CHL1: variants seen among roughly 807,000 people sequenced by gnomAD.
CHL1 encodes cell adhesion molecule L1 like.
CHL1 carries 96 observed loss-of-function variants against 141.9 expected under a neutral mutation model. The ratio of observed to expected loss-of-function variants is 0.68; its 90% confidence interval spans 0.57 to 0.80. The LOEUF (loss-of-function observed/expected upper bound fraction) is 0.80, where lower values mean the gene tolerates loss of function less well. Ranked by LOEUF, CHL1 falls within the 30% of genes least tolerant of loss-of-function variation. CHL1 has a pLI of 0.00. For synonymous variants in CHL1, 613 were observed against 502.2 expected (o/e 1.22, Z -2.95); for missense variants, 1,820 against 1,457.2 (o/e 1.25, Z -4.05).
Position 252,361 on chromosome 3 carries a change from GATATATAT to G in CHL1, c.-95+7702_-95+7709del, listed in dbSNP as rs71058760. Among the ~76,000 whole-genome samples, 119 of 54,286 alleles carry G rather than the reference GATATATAT, an allele frequency of 2.2e-3. 2 individuals carry two copies. The highest frequency in any genetic ancestry group is 6.1e-3 in the African/African-American group (84 of 13,736). 35.6% of individuals were successfully genotyped at this position (54,286 alleles called of 152,430 possible). A position where few individuals can be genotyped will look rare whatever the true frequency, so the allele number is the denominator to read the frequency against. ...AGCCACAGATTTAAGAAAGCATCCA[GATATATAT>G]ATATATATATATATATATATATATA... On this transcript the variant is annotated intron_variant, in intron 2 of 27. Transcript: ENST00000256509.
intron 1 of CHL1, among the ~76,000 whole-genome samples, chr3:206,461 C>A (rs1276785583): frequency 6.6e-6 from 1 of 151,490 alleles, no homozygotes; most frequent in African/African-American, 2.4e-5. Flanking sequence ...GCGAGACTGT[C>A]TTAAAAAAAA....
chr3:296,093 C>T (rs1385425562), intron 2 of CHL1, among the ~76,000 whole-genome samples: 1 of 152,070 alleles, frequency 6.6e-6, no homozygotes, highest in Non-Finnish European at 1.5e-5. Flanking sequence ...TTAGTGAATG[C>T]AATGTTTAGC....
chr3:204,435 G>T (rs1699231169), intron 1 of CHL1, among the ~76,000 whole-genome samples: 1 of 152,198 alleles, frequency 6.6e-6, no homozygotes, highest in African/African-American at 2.4e-5. Context: ...GACGATGAAG[G>T]AATAGACCAG....
chr3:246,936 T>C (rs974977138), intron 2 of CHL1: 1 of 152,128 alleles, frequency 6.6e-6, no homozygotes, highest in African/African-American at 2.4e-5. Flanking sequence ...AAACATGTGC[T>C]GTGTGGTCAC....
intron 5 of CHL1, among the ~76,000 whole-genome samples, chr3:335,578 G>A (rs1336732888): frequency 3.3e-5 from 5 of 152,130 alleles, no homozygotes; most frequent in Admixed American, 6.6e-5. Context: ...TGAAATGTAC[G>A]GCCCTGGAAA....
chr3:328,073 G>A (rs753157088), intron 4 of CHL1, 94 bp from the exon 5 acceptor site: 27 of 880,698 alleles, frequency 3.1e-5, no homozygotes, highest in Admixed American at 5.0e-5. Context: ...ATCATAAAAT[G>A]TCTTGGTTTT....
chr3:364,008 T>C (rs144074219), intron 14 of CHL1: 1 of 152,298 alleles, frequency 6.6e-6, no homozygotes, highest in Non-Finnish European at 1.5e-5. Flanking sequence ...TATCCCAGCC[T>C]GCTTCTCACT....
chr3:313,465 A>C (rs1230604038), intron 2 of CHL1, among the ~76,000 whole-genome samples: 1 of 152,172 alleles, frequency 6.6e-6, no homozygotes, highest in African/African-American at 2.4e-5. Context: ...TGTTATTTGC[A>C]AAAGGGAAAA....
In CHL1 at chr3:261,615, A is replaced by T. The variant is rs138875947; in HGVS notation, c.-95+16923A>T. ...TAGAGCTGAATGATATTATTGAAAC[A>T]TTCCAGCTTTAAAAACTATATGGCT... On this transcript the variant is annotated intron_variant, in intron 2 of 27. Coordinates refer to ENST00000256509, the MANE Select transcript of CHL1 (RefSeq NM_006614.4). Among the ~76,000 whole-genome samples the T allele has an allele frequency of 7.6e-4, 115 of 152,274 alleles. 1 individual carries two copies. Among genetic ancestry groups the T allele is most frequent in the African/African-American group, 2.5e-3 (103 of 41,566 alleles).
intron 2 of CHL1, among the ~76,000 whole-genome samples, chr3:292,550 T>C (rs1697785704): frequency 6.6e-6 from 1 of 152,184 alleles, no homozygotes; most frequent in African/African-American, 2.4e-5. Flanking sequence ...TAAATCTTAT[T>C]GGGGGCAAAA....
chr3:297,230 A>C (rs1210728077), intron 2 of CHL1, among the ~76,000 whole-genome samples: 1 of 152,120 alleles, frequency 6.6e-6, no homozygotes, highest in Non-Finnish European at 1.5e-5. Context: ...CGTCTTAAGA[A>C]AATAAATAAA....
intron 2 of CHL1, among the ~76,000 whole-genome samples, chr3:277,126 T>C (rs952188115): frequency 2.0e-5 from 3 of 152,272 alleles, no homozygotes; most frequent in South Asian, 4.1e-4. Flanking sequence ...ACAATATGTG[T>C]TATGTAGTGT....
At chr3:267,537 A>T (rs553036011) in intron 2 of CHL1, among the ~76,000 whole-genome samples, 6 of 152,108 alleles carry the variant, frequency 3.9e-5, no homozygotes, top group Non-Finnish European at 5.9e-5. Flanking sequence ...ATTTTATGTT[A>T]TTTTATTAGT....
chr3:291,552 A>G (rs1345754374), intron 2 of CHL1, among the ~76,000 whole-genome samples: 3 of 151,572 alleles, frequency 2.0e-5, no homozygotes, highest in Admixed American at 6.6e-5. Flanking sequence ...TAGTATTTTT[A>G]GGATCACTGA....
chr3:248,504 A>T (rs1180213052), intron 2 of CHL1: 1 of 152,074 alleles, frequency 6.6e-6, no homozygotes, highest in East Asian at 1.9e-4. Flanking sequence ...CACAAACGAC[A>T]TATTTAATGT....
At chr3:334,584 A>G (rs2125109290) in intron 5 of CHL1, among the ~76,000 whole-genome samples, 1 of 152,334 alleles carries the variant, frequency 6.6e-6, no homozygotes. Flanking sequence ...TTGGAGGTTC[A>G]TCCATGTAGT....
chr3:308,094 T>C (rs1003841093), intron 2 of CHL1, among the ~76,000 whole-genome samples: 1 of 152,202 alleles, frequency 6.6e-6, no homozygotes, highest in African/African-American at 2.4e-5. Flanking sequence ...CTCAGTGTTT[T>C]ACATTCAGAT....
At chr3:397,860 T>C (rs936827142) in intron 24 of CHL1, among the ~76,000 whole-genome samples, 2 of 152,162 alleles carry the variant, frequency 1.3e-5, no homozygotes, top group Admixed American at 1.3e-4. Flanking sequence ...TAAGGTTATG[T>C]GCTGTCAATT....
Position 390,944 on chromosome 3 carries a change from T to A in CHL1, c.2587-11T>A. ...AATGGATATACTAAAAGATTTTGGT[T>A]TTCATTGCAGATAAATTGGTGGAAA... On this transcript the variant is annotated splice_polypyrimidine_tract_variant and intron_variant, in intron 21 of 27. Coordinates refer to ENST00000256509, the MANE Select transcript of CHL1 (RefSeq NM_006614.4). 6.2e-7 allele frequency: 1 copy of A among 1,612,460 alleles called. No individual in the cohort carries two copies. The highest frequency in any genetic ancestry group is 1.3e-5 in the African/African-American group (1 of 74,952).
Sources: gnomAD v4.1 joint callset for allele counts (sites outside exome capture counted in the v4.1 genomes callset) on GRCh38, gnomAD v4.1.1 for gene constraint, MANE v1.5 for transcripts, NCBI Gene and HGNC (gene_info 2026-07-23, HGNC 2026-07-21) for gene names.